PRLR: variants seen among roughly 807,000 people sequenced by gnomAD.
PRLR encodes the protein prolactin receptor.
In PRLR, 13 loss-of-function variants were observed where a neutral mutation model predicts 40.2. The observed-to-expected ratio is 0.32, with a 90% confidence interval of 0.21 to 0.51. The LOEUF is 0.51. Among genes scored for constraint, PRLR ranks in the 20% least tolerant of loss-of-function variants. The pLI is 0.97. For synonymous variants in PRLR, 269 were observed against 278.7 expected (o/e 0.97, Z 0.35); for missense variants, 656 against 747.3 (o/e 0.88, Z 1.42).
intron 2 of PRLR, among the ~76,000 whole-genome samples, chr5:35,104,284 C>G (rs748500290): frequency 5.3e-5 from 8 of 152,168 alleles, no homozygotes; most frequent in African/African-American, 1.2e-4. Context: ...AGGAACAGCT[C>G]CAGTCCACAG....
chr5:35,122,997 G>A (rs1243328540), intron 1 of PRLR, among the ~76,000 whole-genome samples: 1 of 152,162 alleles, frequency 6.6e-6, no homozygotes, highest in Non-Finnish European at 1.5e-5. Context: ...GGGAGACAGT[G>A]CCCAAAGGTC....
At chr5:35,088,380 G>A (rs1044545594) in intron 3 of PRLR, among the ~76,000 whole-genome samples, 1 of 152,192 alleles carries the variant, frequency 6.6e-6, no homozygotes, top group Non-Finnish European at 1.5e-5. Context: ...AGAAGTGTGT[G>A]AAGTAGAAAG....
chr5:35,117,395 T>G (rs879625347), intron 2 of PRLR, among the ~76,000 whole-genome samples: 2 of 152,200 alleles, frequency 1.3e-5, no homozygotes, highest in Non-Finnish European at 2.9e-5. Flanking sequence ...CTCAAAGTCG[T>G]ACATGTCGAG....
At chr5:35,071,903 T>TTTG (rs1769769126) in intron 6 of PRLR, among the ~76,000 whole-genome samples, 1 of 150,386 alleles carries the variant, frequency 6.6e-6, no homozygotes, top group African/African-American at 2.5e-5. Context: ...CCCAGCCTTT[T>TTTG]TTTTTTTTCC....
At chr5:35,071,782 T>A (rs1211082543) in intron 6 of PRLR, among the ~76,000 whole-genome samples, 1 of 152,062 alleles carries the variant, frequency 6.6e-6, no homozygotes, top group Non-Finnish European at 1.5e-5. Context: ...GTATCTTCAG[T>A]AGAGACTGGG....
intron 1 of PRLR, among the ~76,000 whole-genome samples, chr5:35,188,169 C>A (rs151002414): frequency 6.6e-6 from 1 of 152,190 alleles, no homozygotes. Flanking sequence ...CCTGGAAAGT[C>A]GGGCTTTTCG....
chr5:35,212,567 C>T (rs559002069), intron 1 of PRLR, among the ~76,000 whole-genome samples: 104 of 152,056 alleles, frequency 6.8e-4, no homozygotes, highest in Non-Finnish European at 1.2e-3. Flanking sequence ...CTTTTTTCCC[C>T]CCAGTGAAGT....
At chr5:35,138,387 C>A (rs560176909) in intron 1 of PRLR, among the ~76,000 whole-genome samples, 1 of 152,198 alleles carries the variant, frequency 6.6e-6, no homozygotes, top group African/African-American at 2.4e-5. Flanking sequence ...AAAATGTCAT[C>A]ATGGTAAAAC....
intron 2 of PRLR, among the ~76,000 whole-genome samples, chr5:35,092,741 A>C (rs1179287237): frequency 6.6e-6 from 1 of 152,134 alleles, no homozygotes; most frequent in Non-Finnish European, 1.5e-5. Flanking sequence ...AGCCCCACAC[A>C]TCCTGGGGAC....
rs1245689041 is a variant in PRLR, at chr5:35,063,895, G to A, written c.*1194C>T. 1 of 152,132 alleles carries A rather than the reference G, an allele frequency of 6.6e-6. No homozygotes were observed. The highest frequency in any genetic ancestry group is 1.5e-5 in the Non-Finnish European group (1 of 68,018). The allele number at this position is 152,132 out of a possible 1,614,324, so 9.4% of individuals were successfully genotyped here. A position where few individuals can be genotyped will look rare whatever the true frequency, so the allele number is the denominator to read the frequency against. On this transcript the variant is annotated 3_prime_UTR_variant, in exon 10 of 10. Coordinates refer to ENST00000618457, the MANE Select transcript of PRLR (RefSeq NM_000949.7). The stretch of plus-strand genomic sequence containing the variant: ...AATCCTAAATCCCTAGGTTGGTGGT[G>A]GTGGTAGCAGTTGTTTAAAGTGTCC...
At chr5:35,198,287 C>G (rs956093154) in intron 1 of PRLR, among the ~76,000 whole-genome samples, 3 of 152,218 alleles carry the variant, frequency 2.0e-5, no homozygotes, top group Non-Finnish European at 4.4e-5. Flanking sequence ...AGCAGAGTAT[C>G]GCTTAGCAAA....
Position 35,061,461 on chromosome 5 carries a change from C to T in PRLR, c.*3628G>A, listed in dbSNP as rs977558916. 1.3e-5 allele frequency: 2 copies of T among 152,140 alleles called. No homozygotes were observed. Among genetic ancestry groups the T allele is most frequent in the African/African-American group, 2.4e-5 (1 of 41,426 alleles). 9.4% of individuals were successfully genotyped at this position (152,140 alleles called of 1,614,324 possible). On this transcript the variant is annotated 3_prime_UTR_variant, in exon 10 of 10. Transcript: ENST00000618457. The stretch of plus-strand genomic sequence containing the variant: ...ATCACAAGACACAGAGCAAAACTGC[C>T]CAGATCTTGTACAGGCAGTAAAGGA...
At chr5:35,199,989 C>T (rs1257668887) in intron 1 of PRLR, among the ~76,000 whole-genome samples, 3 of 152,144 alleles carry the variant, frequency 2.0e-5, no homozygotes, top group Non-Finnish European at 4.4e-5. Context: ...TTAGAAAATA[C>T]AAGATTTCTT....
intron 1 of PRLR, among the ~76,000 whole-genome samples, chr5:35,119,443 A>G (rs995804341): frequency 1.3e-5 from 2 of 151,818 alleles, no homozygotes; most frequent in Non-Finnish European, 2.9e-5. Flanking sequence ...TGCTGTTGGC[A>G]TGATCAATCA....
At chr5:35,161,649 A>G (rs772002655) in intron 1 of PRLR, among the ~76,000 whole-genome samples, 10 of 152,198 alleles carry the variant, frequency 6.6e-5, no homozygotes, top group Non-Finnish European at 8.8e-5. Flanking sequence ...GTAAAAGGAG[A>G]TGCATTAATC....
chr5:35,053,405 C>G (rs777401638), downstream of PRLR, among the ~76,000 whole-genome samples: 1 of 152,292 alleles, frequency 6.6e-6, no homozygotes, highest in East Asian at 1.9e-4. Flanking sequence ...GTAATCTCAG[C>G]ACTTTGGGAG....
chr5:35,161,585 C>G (rs1229188433), intron 1 of PRLR, among the ~76,000 whole-genome samples: 1 of 152,230 alleles, frequency 6.6e-6, no homozygotes, highest in African/African-American at 2.4e-5. Context: ...AAGGACCCAG[C>G]TGGATTCCAA....
intron 2 of PRLR, among the ~76,000 whole-genome samples, chr5:35,090,881 G>T (rs1326955112): frequency 2.1e-5 from 3 of 142,666 alleles, no homozygotes; most frequent in Non-Finnish European, 4.5e-5. Flanking sequence ...CGCGATCTGG[G>T]CTCACTGCAA....
chr5:35,102,120 G>A (rs1271855746), intron 2 of PRLR, among the ~76,000 whole-genome samples: 3 of 151,972 alleles, frequency 2.0e-5, no homozygotes, highest in African/African-American at 7.3e-5. Context: ...GAGCCACCAC[G>A]CCCGGCCAAA....
Sources: allele counts gnomAD v4.1 joint callset (sites outside exome capture counted in the v4.1 genomes callset), GRCh38; gene constraint gnomAD v4.1.1; transcripts MANE v1.5; gene names NCBI Gene and HGNC (gene_info 2026-07-23, HGNC 2026-07-21).